PREX1: variants seen among roughly 807,000 people sequenced by gnomAD.
PREX1 encodes the protein phosphatidylinositol 3,4,5-trisphosphate-dependent Rac exchanger 1 protein.
A neutral mutation model predicts 198.3 loss-of-function variants in PREX1; 41 were observed. The observed-to-expected ratio is 0.21, with a 90% CI of 0.16 to 0.27. The LOEUF (loss-of-function observed/expected upper bound fraction) is 0.27. Ranked by LOEUF, PREX1 falls within the 10% of genes least tolerant of loss-of-function variation. The pLI, the probability that PREX1 is intolerant of heterozygous loss-of-function variation, is 1.00. For synonymous variants in PREX1, 843 were observed against 887.2 expected (o/e 0.95, Z 0.89); for missense variants, 1,620 against 2,200.7 (o/e 0.74, Z 5.28).
At chr20:48,720,931 A>T (rs2089982357) in intron 5 of PREX1, among the ~76,000 whole-genome samples, 1 of 152,134 alleles carries the variant, frequency 6.6e-6, no homozygotes, top group African/African-American at 2.4e-5. Flanking sequence ...CACAGACCCA[A>T]GGCTGTACCC....
the PREX1 span, among the ~76,000 whole-genome samples, chr20:48,843,646 T>A: frequency 6.6e-6 from 1 of 152,218 alleles, no homozygotes; most frequent in Non-Finnish European, 1.5e-5. Flanking sequence ...TTGCTCAGCG[T>A]GGCATGGAAA....
At chr20:48,669,520 A>G (rs1436869318) in intron 14 of PREX1, among the ~76,000 whole-genome samples, 1 of 152,152 alleles carries the variant, frequency 6.6e-6, no homozygotes, top group Non-Finnish European at 1.5e-5. Context: ...TCAAAATTCA[A>G]AGTCTCCTAC....
intron 20 of PREX1, among the ~76,000 whole-genome samples, chr20:48,653,013 C>A (rs1358270202): frequency 1.3e-5 from 2 of 152,196 alleles, no homozygotes; most frequent in Non-Finnish European, 2.9e-5. Flanking sequence ...ATGAGGGAAT[C>A]TCGCCCTCCA....
intron 1 of PREX1, among the ~76,000 whole-genome samples, chr20:48,821,093 TC>T (rs1207916333): frequency 6.6e-6 from 1 of 152,064 alleles, no homozygotes; most frequent in African/African-American, 2.4e-5. Flanking sequence ...TCCCAGCTAT[TC>T]GGGAGGATGA....
intron 1 of PREX1, among the ~76,000 whole-genome samples, chr20:48,806,281 T>C (rs1440123961): frequency 6.6e-6 from 1 of 152,194 alleles, no homozygotes; most frequent in African/African-American, 2.4e-5. Context: ...TCATCAAATC[T>C]AGGGCCTGGA....
At chr20:48,856,301 G>A in the PREX1 span, among the ~76,000 whole-genome samples, 1 of 152,242 alleles carries the variant, frequency 6.6e-6, no homozygotes, top group African/African-American at 2.4e-5. Context: ...AAATTGCTCT[G>A]AGAGGCTGCA....
the PREX1 span, among the ~76,000 whole-genome samples, chr20:48,853,773 T>C: frequency 6.6e-6 from 1 of 152,236 alleles, no homozygotes; most frequent in African/African-American, 2.4e-5. Flanking sequence ...AAACCTCAGT[T>C]GGATCCCAGC....
chr20:48,877,292 A>G, the PREX1 span, among the ~76,000 whole-genome samples: 4 of 152,238 alleles, frequency 2.6e-5, no homozygotes, highest in Middle Eastern at 3.4e-3. Context: ...AAAGAAAGAA[A>G]AAAAAGTATG....
At chr20:48,824,049 T>A (rs143288583) in intron 1 of PREX1, among the ~76,000 whole-genome samples, 6 of 152,308 alleles carry the variant, frequency 3.9e-5, no homozygotes, top group African/African-American at 9.6e-5. Flanking sequence ...GTCATTGTTT[T>A]CATCATGACT....
chr20:48,713,846 TCC>T (rs776977505), intron 5 of PREX1, among the ~76,000 whole-genome samples: 1 of 125,814 alleles, frequency 7.9e-6, no homozygotes, highest in Non-Finnish European at 1.6e-5. Context: ...TGCACATGTA[TCC>T]CAGAACTATA....
chr20:48,810,337 C>A (rs529359934), intron 1 of PREX1, among the ~76,000 whole-genome samples: 34 of 151,712 alleles, frequency 2.2e-4, no homozygotes, highest in Non-Finnish European at 4.1e-4. Context: ...AATCCCAACA[C>A]TTTGGGAGGC....
intron 1 of PREX1, among the ~76,000 whole-genome samples, chr20:48,751,564 TG>T (rs1191228551): frequency 6.6e-6 from 1 of 152,194 alleles, no homozygotes; most frequent in Non-Finnish European, 1.5e-5. Context: ...AAGGCACGAC[TG>T]GCTTTTCCAG....
intron 20 of PREX1, 148 bp downstream of exon 20, chr20:48,653,213 G>A: frequency 7.9e-7 from 1 of 1,270,884 alleles, no homozygotes; most frequent in South Asian, 1.4e-5. Context: ...CAAAGCTCAG[G>A]CCCAGCTCCC....
At chr20:48,724,038 CA>C (rs973744323) in intron 5 of PREX1, among the ~76,000 whole-genome samples, 16 of 152,256 alleles carry the variant, frequency 1.1e-4, no homozygotes, top group African/African-American at 3.9e-4. Flanking sequence ...ACACTGGCCT[CA>C]AAACACAGAG....
chr20:48,711,001 G>A (rs1221922650), intron 5 of PREX1, among the ~76,000 whole-genome samples: 3 of 152,224 alleles, frequency 2.0e-5, no homozygotes. Flanking sequence ...GGAGGTGATG[G>A]GGGTATGAGC....
chr20:48,735,153 T>C (rs910169684), intron 3 of PREX1, among the ~76,000 whole-genome samples: 2 of 152,196 alleles, frequency 1.3e-5, no homozygotes, highest in African/African-American at 4.8e-5. Context: ...CAGTCAGGGT[T>C]TCCCGTACTG....
chr20:48,671,799 T>C (rs2089677073), intron 14 of PREX1, among the ~76,000 whole-genome samples: 1 of 152,156 alleles, frequency 6.6e-6, no homozygotes. Flanking sequence ...GAAGGCCAGT[T>C]GCCTTTCCAA....
chr20:48,698,258 C>A (rs2089856918), intron 7 of PREX1, among the ~76,000 whole-genome samples: 1 of 152,184 alleles, frequency 6.6e-6, no homozygotes, highest in Non-Finnish European at 1.5e-5. Flanking sequence ...AGCTGCTGTC[C>A]CTGCACAGGT....
At chr20:48,658,088 G>C (rs376316317) in intron 17 of PREX1, 48 bp downstream of exon 17, 1 of 1,560,464 alleles carries the variant, frequency 6.4e-7, no homozygotes, top group Non-Finnish European at 8.7e-7. Context: ...GAGACACCCC[G>C]CTCTGCCACC....
Sources: gnomAD v4.1 joint callset for allele counts (sites outside exome capture counted in the v4.1 genomes callset) on GRCh38, gnomAD v4.1.1 for gene constraint, MANE v1.5 for transcripts, NCBI Gene and HGNC (gene_info 2026-07-23, HGNC 2026-07-21) for gene names.